Variants in RGS8 observed in about 807,000 individuals in gnomAD.
The protein encoded by RGS8 is regulator of G-protein signaling 8.
RGS8 carries 8 observed loss-of-function variants against 21.7 expected under a neutral mutation model. That is an observed-to-expected ratio of 0.37 (90% CI 0.22 to 0.66). The LOEUF is 0.66. RGS8 is among the 30% of genes least tolerant of loss of function. The probability of loss-of-function intolerance (pLI) is 0.59; values close to 1 mark genes in which losing one functional copy is unlikely to be tolerated. For missense variants in RGS8, 157 were observed against 217.9 expected (o/e 0.72, Z 1.76); for synonymous variants, 80 against 83.6 (o/e 0.96, Z 0.24).
chr1:182,643,629 C>G (rs939890921), downstream of RGS8: 4 of 152,184 alleles, frequency 2.6e-5, no homozygotes, highest in Non-Finnish European at 4.4e-5. Context: ...TCTATCAGAT[C>G]AGCATCTCTG....
chr1:182,727,914 T>C, the RGS8 span, among the ~76,000 whole-genome samples: 1 of 152,204 alleles, frequency 6.6e-6, no homozygotes, highest in Non-Finnish European at 1.5e-5. Context: ...TTACACTTCA[T>C]TTGACTGACA....
intron 5 of RGS8, among the ~76,000 whole-genome samples, chr1:182,648,674 G>A (rs1662828567): frequency 6.6e-6 from 1 of 152,188 alleles, no homozygotes; most frequent in African/African-American, 2.4e-5. Context: ...GGCAGAGGTT[G>A]CAGTGAGCTG....
chr1:182,649,804 C>T (rs1474226836), intron 5 of RGS8, among the ~76,000 whole-genome samples: 2 of 151,998 alleles, frequency 1.3e-5, no homozygotes, highest in Admixed American at 6.6e-5. Flanking sequence ...AGGGCACATA[C>T]AACCTAGAAT....
At chr1:182,751,738 A>T in the RGS8 span, among the ~76,000 whole-genome samples, 1 of 152,358 alleles carries the variant, frequency 6.6e-6, no homozygotes, top group Non-Finnish European at 1.5e-5. Flanking sequence ...TCAAAAAGAT[A>T]TACCATATAC....
At chr1:182,644,699 C>T (rs767090435), downstream of RGS8, 2 of 152,098 alleles carry the variant, frequency 1.3e-5, no homozygotes, top group African/African-American at 4.8e-5. Flanking sequence ...ACCTCATATT[C>T]GACAGTAGAG....
At chr1:182,731,475 C>A in the RGS8 span, among the ~76,000 whole-genome samples, 1 of 152,218 alleles carries the variant, frequency 6.6e-6, no homozygotes, top group Non-Finnish European at 1.5e-5. Flanking sequence ...ATAACGAAAA[C>A]ATTTCCTTAG....
the RGS8 span, among the ~76,000 whole-genome samples, chr1:182,741,828 C>A: frequency 1.2e-4 from 14 of 114,814 alleles, 1 homozygote; most frequent in African/African-American, 4.3e-4. Flanking sequence ...TAGGGGCGGC[C>A]GGGCAGAGGC....
chr1:182,642,803 G>A (rs1470296852), downstream of RGS8: 2 of 152,200 alleles, frequency 1.3e-5, no homozygotes, highest in African/African-American at 4.8e-5. Context: ...GGACCAAAGA[G>A]GGAATGGTGA....
At chr1:182,701,638 T>G in the RGS8 span, among the ~76,000 whole-genome samples, 1 of 152,192 alleles carries the variant, frequency 6.6e-6, no homozygotes, top group East Asian at 1.9e-4. Context: ...GCTGCAGCCC[T>G]GTATCCAGCC....
chr1:182,700,084 G>T, the RGS8 span, among the ~76,000 whole-genome samples: 10 of 152,294 alleles, frequency 6.6e-5, no homozygotes, highest in South Asian at 1.0e-3. Flanking sequence ...TGAGTCTTGA[G>T]TGCATAACAA....
At chr1:182,723,496 G>C in the RGS8 span, among the ~76,000 whole-genome samples, 1 of 152,238 alleles carries the variant, frequency 6.6e-6, no homozygotes, top group Non-Finnish European at 1.5e-5. Flanking sequence ...ATTTAAGAGA[G>C]AGAAACAGAA....
At chr1:182,747,997 A>T in the RGS8 span, among the ~76,000 whole-genome samples, 95 of 151,852 alleles carry the variant, frequency 6.3e-4, no homozygotes, top group Non-Finnish European at 7.4e-5. Context: ...TGCTTTTTTT[A>T]AATTGACAGG....
chr1:182,736,767 A>T, the RGS8 span, among the ~76,000 whole-genome samples: 1 of 152,114 alleles, frequency 6.6e-6, no homozygotes, highest in South Asian at 2.1e-4. Flanking sequence ...TGCATCAGAG[A>T]ATAGGTTCTA....
At chr1:182,752,324 C>G in the RGS8 span, among the ~76,000 whole-genome samples, 1 of 152,170 alleles carries the variant, frequency 6.6e-6, no homozygotes, top group East Asian at 1.9e-4. Flanking sequence ...ATTCAAGACC[C>G]GGCCACAGAC....
At chr1:182,656,972 C>G (rs1663309816) in intron 5 of RGS8, among the ~76,000 whole-genome samples, 1 of 152,178 alleles carries the variant, frequency 6.6e-6, no homozygotes, top group Non-Finnish European at 1.5e-5. Context: ...CAAAGAGATA[C>G]TTTAGTCTGA....
At chr1:182,730,482 G>T in the RGS8 span, among the ~76,000 whole-genome samples, 1 of 152,102 alleles carries the variant, frequency 6.6e-6, no homozygotes, top group Non-Finnish European at 1.5e-5. Context: ...GGCCAAAGTG[G>T]GCAGATTGCC....
chr1:182,747,977 T>C, the RGS8 span, among the ~76,000 whole-genome samples: 2,188 of 152,346 alleles, frequency 0.014, 111 homozygotes, highest in East Asian at 0.18. Flanking sequence ...TTTTTTTATT[T>C]TTAAAAGTTT....
At chr1:182,732,259 GCT>G in the RGS8 span, among the ~76,000 whole-genome samples, 191 of 92,810 alleles carry the variant, frequency 2.1e-3, 1 homozygote, top group Middle Eastern at 6.2e-3. Flanking sequence ...CCTCTGTCTC[GCT>G]CTCTCTCTCA....
chr1:182,652,780 C>A (rs1044321425), intron 5 of RGS8, among the ~76,000 whole-genome samples: 1 of 152,010 alleles, frequency 6.6e-6, no homozygotes, highest in Non-Finnish European at 1.5e-5. Context: ...AGGAGGGGTG[C>A]CTTTGCCGGC....
Sources: gnomAD v4.1 joint callset for allele counts (sites outside exome capture counted in the v4.1 genomes callset) on GRCh38, gnomAD v4.1.1 for gene constraint, MANE v1.5 for transcripts, NCBI Gene and HGNC (gene_info 2026-07-23, HGNC 2026-07-21) for gene names.